Variants in PIK3R3 observed in about 807,000 individuals in gnomAD.
The protein encoded by PIK3R3 is phosphoinositide-3-kinase regulatory subunit 3, also known as phosphatidylinositol 3-kinase regulatory subunit gamma.
In PIK3R3, 64 loss-of-function variants were observed where a neutral mutation model predicts 62.9. The observed-to-expected ratio is 1.02, with a 90% CI of 0.83 to 1.25. The LOEUF is 1.25. Among genes scored for constraint, PIK3R3 ranks in the 50% most tolerant of loss-of-function variants. PIK3R3 has a pLI of 0.00. For synonymous variants in PIK3R3, 165 were observed against 189.0 expected (o/e 0.87, Z 1.04); for missense variants, 614 against 561.6 (o/e 1.09, Z -0.94).
intron 1 of PIK3R3, among the ~76,000 whole-genome samples, chr1:46,084,581 C>G (rs1395603144): frequency 1.3e-5 from 2 of 152,132 alleles, no homozygotes; most frequent in Non-Finnish European, 2.9e-5. Context: ...TGAACTATAA[C>G]TTAGCAAAAT....
At chr1:46,047,895 C>T (rs1172231546) in intron 7 of PIK3R3, among the ~76,000 whole-genome samples, 7 of 152,172 alleles carry the variant, frequency 4.6e-5, no homozygotes, top group African/African-American at 1.4e-4. Context: ...ATTCTCTCAC[C>T]TCTGCCTCCA....
intron 1 of PIK3R3, among the ~76,000 whole-genome samples, chr1:46,107,343 G>C (rs1378886287): frequency 6.6e-6 from 1 of 152,064 alleles, no homozygotes; most frequent in East Asian, 1.9e-4. Flanking sequence ...GGGTGACAGA[G>C]TGAGACTCTG....
intron 1 of PIK3R3, among the ~76,000 whole-genome samples, chr1:46,125,521 T>C (rs1317468204): frequency 6.6e-6 from 1 of 152,202 alleles, no homozygotes; most frequent in Non-Finnish European, 1.5e-5. Flanking sequence ...TTATTCTATG[T>C]AGCTCTCAGC....
intron 1 of PIK3R3, among the ~76,000 whole-genome samples, chr1:46,091,811 G>C (rs1458308528): frequency 6.6e-6 from 1 of 152,052 alleles, no homozygotes; most frequent in African/African-American, 2.4e-5. Context: ...CGTAATATTT[G>C]CATATAGCTT....
chr1:46,131,589 T>A, intron 1 of PIK3R3: 1 of 526,304 alleles, frequency 1.9e-6, no homozygotes, highest in South Asian at 1.7e-5. Flanking sequence ...AAAATAATGA[T>A]AATTTTAAAA....
In PIK3R3 at chr1:46,043,860, TC is replaced by T; in HGVS notation, c.1198del (p.Glu400LysfsTer2). On this transcript the variant is annotated frameshift_variant, in exon 10 of 10. Transcript: ENST00000262741. LOFTEE classifies it high-confidence loss of function. ...GCTGTAGATCACACAGTGCTTCACT[TC>T]CCCATCGGCCCTGCAATGACAAACC... ...CYACSVVADG[E>X]VKHCVIYSTA... 6.2e-7 allele frequency: 1 copy of T among 1,613,260 alleles called. No individual in the cohort carries two copies. Among genetic ancestry groups the T allele is most frequent in the African/African-American group, 1.3e-5 (1 of 74,976 alleles).
At chr1:46,083,825 G>T (rs935855379) in intron 1 of PIK3R3, among the ~76,000 whole-genome samples, 6 of 152,192 alleles carry the variant, frequency 3.9e-5, no homozygotes, top group African/African-American at 1.4e-4. Flanking sequence ...CTCATAGACT[G>T]CTGGTGGGAA....
At chr1:46,153,888 A>G in the PIK3R3 span, among the ~76,000 whole-genome samples, 1 of 152,240 alleles carries the variant, frequency 6.6e-6, no homozygotes, top group African/African-American at 2.4e-5. Context: ...CCATGAGGCA[A>G]TAAAGAAAAT....
At chr1:46,112,694 G>A (rs77850728) in intron 1 of PIK3R3, among the ~76,000 whole-genome samples, 5,104 of 152,004 alleles carry the variant, frequency 0.034, 291 homozygotes, top group African/African-American at 0.12. Flanking sequence ...CCCACCCTAC[G>A]AACTCAGTAA....
intron 3 of PIK3R3, among the ~76,000 whole-genome samples, chr1:46,071,696 CAAA>C (rs1331276065): frequency 3.5e-4 from 6 of 17,252 alleles, no homozygotes; most frequent in African/African-American, 1.4e-3. Flanking sequence ...ACTCTGTCTC[CAAA>C]AAAAAAAAAA....
chr1:46,070,287 G>A (rs1165724108), intron 3 of PIK3R3, among the ~76,000 whole-genome samples: 2 of 152,182 alleles, frequency 1.3e-5, no homozygotes, highest in Non-Finnish European at 2.9e-5. Flanking sequence ...AAACAGAGAA[G>A]CAGACCCTGG....
the PIK3R3 span, among the ~76,000 whole-genome samples, chr1:46,168,749 C>G: frequency 6.6e-6 from 1 of 152,206 alleles, no homozygotes; most frequent in Non-Finnish European, 1.5e-5. Context: ...GTCCCCCTGC[C>G]CCTGGCTCTG....
rs562463948 is a variant in PIK3R3, at chr1:46,090,348, T to A, written c.107-9598A>T. 4.2e-5 allele frequency among the ~76,000 whole-genome samples: 6 copies of A among 143,918 alleles called. No individual in the cohort carries two copies. In the East Asian group the frequency reaches 1.2e-3, roughly 29 times the overall value. 94.4% of individuals were successfully genotyped at this position (143,918 alleles called of 152,430 possible). A position where few individuals can be genotyped will look rare whatever the true frequency, so the allele number is the denominator to read the frequency against. On this transcript the variant is annotated intron_variant, in intron 1 of 9. Transcript: ENST00000262741. ...TATTTATTTATTTATTTATTTATTT[T>A]TTTGAGACAGTCTCCCTCTATTGCT...
In PIK3R3 at chr1:46,055,788, T is replaced by G; in HGVS notation, c.941+7A>C. 6.4e-7 allele frequency: 1 copy of G among 1,573,136 alleles called. No homozygotes were observed. The highest frequency in any genetic ancestry group is 8.6e-7 in the Non-Finnish European group (1 of 1,160,184). ...TCTCCCTCCCCATACACTCCCAGAC[T>G]ACTTACACAAGGTGTTGATCTCGGA... On this transcript the variant is annotated splice_region_variant and intron_variant, in intron 7 of 9. Transcript: ENST00000262741.
rs1647001508 is a variant in PIK3R3, at chr1:46,041,799, A to C, written c.*1874T>G. 4.8e-6 allele frequency: 1 copy of C among 209,546 alleles called. No homozygotes were observed. Among genetic ancestry groups the C allele is most frequent in the Admixed American group, 5.9e-5 (1 of 16,924 alleles). The allele number at this position is 209,546 out of a possible 1,614,324, so 13.0% of individuals were successfully genotyped here. On this transcript the variant is annotated 3_prime_UTR_variant, in exon 10 of 10. Coordinates refer to ENST00000262741, the MANE Select transcript of PIK3R3 (RefSeq NM_003629.4). ...GGGTTCATTTGTCTCTGTCTCACCC[A>C]ATCCTGAAACTGCAGTGTAACCAAG...
At chr1:46,147,176 T>C in the PIK3R3 span, among the ~76,000 whole-genome samples, 1 of 152,214 alleles carries the variant, frequency 6.6e-6, no homozygotes, top group African/African-American at 2.4e-5. Context: ...TGACATGATC[T>C]CGGCTCACTG....
intron 1 of PIK3R3, among the ~76,000 whole-genome samples, chr1:46,112,122 A>G (rs932665388): frequency 3.3e-5 from 5 of 152,188 alleles, no homozygotes; most frequent in Non-Finnish European, 7.3e-5. Flanking sequence ...AATAAAATAC[A>G]CCTTTACACC....
intron 3 of PIK3R3, among the ~76,000 whole-genome samples, chr1:46,071,712 A>ATAT (rs1553148026): frequency 0.024 from 595 of 24,586 alleles, 41 homozygotes; most frequent in Non-Finnish European, 0.035. Context: ...AAAAAAAAAA[A>ATAT]ATATATATAT....
the PIK3R3 span, among the ~76,000 whole-genome samples, chr1:46,148,168 T>G: frequency 3.3e-5 from 5 of 152,182 alleles, no homozygotes; most frequent in African/African-American, 1.2e-4. Context: ...TCAAGCAAAT[T>G]TACTGAAGCT....
Sources: gnomAD v4.1 joint callset for allele counts (sites outside exome capture counted in the v4.1 genomes callset) on GRCh38, gnomAD v4.1.1 for gene constraint, MANE v1.5 for transcripts, NCBI Gene and HGNC (gene_info 2026-07-23, HGNC 2026-07-21) for gene names.